LUZP2: variants seen among roughly 807,000 people sequenced by gnomAD.
The protein encoded by LUZP2 is leucine zipper protein 2.
LUZP2 carries 52 observed loss-of-function variants against 51.6 expected under a neutral mutation model. The ratio of observed to expected loss-of-function variants is 1.01; its 90% CI spans 0.81 to 1.27. LUZP2 has a LOEUF of 1.27. LUZP2 is among the 50% of genes most tolerant of loss of function. The pLI, the probability that LUZP2 is intolerant of heterozygous loss-of-function variation, is 0.00. For synonymous variants in LUZP2, 154 were observed against 137.3 expected (o/e 1.12, Z -0.85); for missense variants, 436 against 395.4 (o/e 1.10, Z -0.87).
chr11:24,906,673 A>G (rs778409501), intron 6 of LUZP2, among the ~76,000 whole-genome samples: 15 of 152,312 alleles, frequency 9.8e-5, no homozygotes, highest in Non-Finnish European at 1.8e-4. Flanking sequence ...TGAAATAGGA[A>G]TGATACTGTC....
chr11:24,562,143 AAC>A (rs1332365137), intron 1 of LUZP2, among the ~76,000 whole-genome samples: 4 of 152,142 alleles, frequency 2.6e-5, no homozygotes, highest in African/African-American at 9.7e-5. Context: ...AAGGTTTAAA[AAC>A]ACAGAGTAAC....
chr11:24,671,419 A>C (rs1202001977), intron 1 of LUZP2, among the ~76,000 whole-genome samples: 1 of 152,062 alleles, frequency 6.6e-6, no homozygotes, highest in African/African-American at 2.4e-5. Flanking sequence ...CACTGCCTTG[A>C]CCATATTTGC....
chr11:24,510,627 A>G (rs1850279880), intron 1 of LUZP2, among the ~76,000 whole-genome samples: 2 of 152,188 alleles, frequency 1.3e-5, no homozygotes, highest in African/African-American at 4.8e-5. Context: ...CAGTTACTTT[A>G]AACTTCATCA....
rs73426043 is a variant in LUZP2 at position 24,813,795 on chromosome 11, T to A, written c.396+50487T>A. 5.5e-3 allele frequency among the ~76,000 whole-genome samples: 835 copies of A among 152,314 alleles called. 12 individuals are homozygous for A. The highest frequency in any genetic ancestry group is 0.019 in the African/African-American group (792 of 41,568). ...GCACCTCTAGCTTTTGAATGTTTATTCTCTGAGATGCCCCTCCCTTCTTCA... is the reference window on the plus strand; with the variant it reads ...GCACCTCTAGCTTTTGAATGTTTATACTCTGAGATGCCCCTCCCTTCTTCA... On this transcript the variant is annotated intron_variant, in intron 5 of 11. Coordinates refer to ENST00000336930, the MANE Select transcript of LUZP2 (RefSeq NM_001009909.4).
At chr11:24,898,628 GAAA>G (rs71447404) in intron 5 of LUZP2, among the ~76,000 whole-genome samples, 3 of 145,648 alleles carry the variant, frequency 2.1e-5, no homozygotes, top group East Asian at 4.0e-4. Context: ...GTGTCAGGAA[GAAA>G]AAAAAAAAAA....
At chr11:25,016,352 T>C (rs1415344649) in intron 9 of LUZP2, among the ~76,000 whole-genome samples, 1 of 152,118 alleles carries the variant, frequency 6.6e-6, no homozygotes, top group Admixed American at 6.6e-5. Flanking sequence ...CCACTCTCTA[T>C]GCCTTTGTGT....
rs144651993 is a variant in LUZP2 at position 24,566,619 on chromosome 11, G to GATAT, written c.62+69316_62+69319dup. ...GTATATATATATGTATGTATGTATA[G>GATAT]ATATACACACACACACACACACACA... On this transcript the variant is annotated intron_variant, in intron 1 of 11. Transcript: ENST00000336930. Among the ~76,000 whole-genome samples the GATAT allele has an allele frequency of 2.9e-3, 398 of 135,764 alleles. 2 individuals are homozygous for GATAT. Among genetic ancestry groups the GATAT allele is most frequent in the Middle Eastern group, 0.026 (7 of 266 alleles). The allele number at this position is 135,764 out of a possible 152,430, so 89.1% of individuals were successfully genotyped here. A position where few individuals can be genotyped will look rare whatever the true frequency, so the allele number is the denominator to read the frequency against.
chr11:24,809,466 A>G (rs1335352675), intron 5 of LUZP2, among the ~76,000 whole-genome samples: 1 of 152,108 alleles, frequency 6.6e-6, no homozygotes, highest in Non-Finnish European at 1.5e-5. Flanking sequence ...TTCCAAGGAC[A>G]TGTTTCCTCT....
intron 4 of LUZP2, among the ~76,000 whole-genome samples, chr11:24,750,345 A>G (rs1358626217): frequency 2.0e-5 from 3 of 152,190 alleles, no homozygotes; most frequent in Non-Finnish European, 2.9e-5. Context: ...CATCCCTATG[A>G]ATACTGCATC....
At chr11:25,020,075 A>T (rs765494058) in intron 9 of LUZP2, among the ~76,000 whole-genome samples, 2 of 152,136 alleles carry the variant, frequency 1.3e-5, no homozygotes, top group African/African-American at 4.8e-5. Context: ...TCAAGGTTCT[A>T]GAATCTTGAA....
intron 5 of LUZP2, among the ~76,000 whole-genome samples, chr11:24,899,049 C>G (rs1853184569): frequency 6.6e-6 from 1 of 152,054 alleles, no homozygotes; most frequent in Non-Finnish European, 1.5e-5. Flanking sequence ...TTCACTTTAT[C>G]TAAACTAGAT....
chr11:25,019,642 C>T lies in LUZP2; in HGVS notation c.766-30396C>T, dbSNP rs80228768. 4.4e-3 allele frequency among the ~76,000 whole-genome samples: 677 copies of T among 152,194 alleles called. 12 individuals carry two copies. The highest frequency in any genetic ancestry group is 0.015 in the African/African-American group (636 of 41,556). ...TTCTTCCTCATTGATCCGTTCAACTCAATAGCATTTAATATAGAACTTTTA... is the reference window on the plus strand; with the variant it reads ...TTCTTCCTCATTGATCCGTTCAACTTAATAGCATTTAATATAGAACTTTTA... On this transcript the variant is annotated intron_variant, in intron 9 of 11. Coordinates refer to ENST00000336930, the MANE Select transcript of LUZP2 (RefSeq NM_001009909.4).
intron 5 of LUZP2, among the ~76,000 whole-genome samples, chr11:24,885,992 A>T (rs537930483): frequency 3.3e-5 from 5 of 152,202 alleles, no homozygotes; most frequent in Admixed American, 2.0e-4. Flanking sequence ...CAAGGTCTAC[A>T]CTCAACTGGG....
intron 9 of LUZP2, among the ~76,000 whole-genome samples, chr11:25,021,847 A>G (rs1189543090): frequency 6.6e-6 from 1 of 152,082 alleles, no homozygotes; most frequent in Admixed American, 6.6e-5. Context: ...GAGATCAGAT[A>G]TGAAGCTACT....
intron 1 of LUZP2, among the ~76,000 whole-genome samples, chr11:24,654,852 T>C (rs908234644): frequency 1.3e-4 from 19 of 151,550 alleles, no homozygotes; most frequent in Admixed American, 1.3e-3. Context: ...ACCTTTTGAA[T>C]GTTAATATGA....
chr11:24,954,168 T>C (rs563104591), intron 7 of LUZP2, among the ~76,000 whole-genome samples: 4 of 152,144 alleles, frequency 2.6e-5, no homozygotes, highest in South Asian at 2.1e-4. Context: ...GGGTAACCTA[T>C]AGTTTAACAC....
At chr11:24,551,280 A>G (rs953055353) in intron 1 of LUZP2, among the ~76,000 whole-genome samples, 3 of 152,112 alleles carry the variant, frequency 2.0e-5, no homozygotes, top group Non-Finnish European at 2.9e-5. Flanking sequence ...GTACTGATCT[A>G]TGTTACAACA....
intron 7 of LUZP2, among the ~76,000 whole-genome samples, chr11:24,923,515 G>T (rs898977689): frequency 6.6e-6 from 1 of 151,954 alleles, no homozygotes; most frequent in East Asian, 2.0e-4. Context: ...TGGTCAACAC[G>T]GTGAAACATC....
intron 5 of LUZP2, among the ~76,000 whole-genome samples, chr11:24,836,039 T>C (rs1850851326): frequency 6.6e-6 from 1 of 151,970 alleles, no homozygotes; most frequent in African/African-American, 2.4e-5. Flanking sequence ...ATTTCAGTGG[T>C]TAATAGCATA....
Sources: allele counts gnomAD v4.1 joint callset (sites outside exome capture counted in the v4.1 genomes callset), GRCh38; gene constraint gnomAD v4.1.1; transcripts MANE v1.5; gene names NCBI Gene and HGNC (gene_info 2026-07-23, HGNC 2026-07-21).